CNTN4: variants seen among roughly 807,000 people sequenced by gnomAD.
CNTN4 encodes the protein contactin-4.
CNTN4 carries 77 observed loss-of-function variants against 122.5 expected under a neutral mutation model. The observed-to-expected ratio is 0.63, with a 90% CI of 0.52 to 0.76. The LOEUF (loss-of-function observed/expected upper bound fraction) is 0.76, where lower values mean the gene tolerates loss of function less well. Among genes scored for constraint, CNTN4 ranks in the 30% least tolerant of loss-of-function variants. CNTN4 has a pLI of 0.00. For missense variants in CNTN4, 1,256 were observed against 1,259.1 expected, an observed-to-expected ratio of 1.00 and a Z score of 0.04; for synonymous variants, 512 against 447.0, an observed-to-expected ratio of 1.15 and a Z score of -1.83.
chr3:2,120,405 A>ATATATATATATATATATTTT (rs1428527983), intron 2 of CNTN4, among the ~76,000 whole-genome samples: 1 of 40,882 alleles, frequency 2.4e-5, no homozygotes, highest in Non-Finnish European at 4.3e-5. Context: ...ATATATATAT[A>ATATATATATATATATATTTT]TTTTTTTTTT....
chr3:2,215,951 G>T (rs112239317), intron 2 of CNTN4, among the ~76,000 whole-genome samples: 1 of 143,460 alleles, frequency 7.0e-6, no homozygotes, highest in Non-Finnish European at 1.5e-5. Context: ...GTGTAAATTA[G>T]TTCAACCATT....
intron 2 of CNTN4, among the ~76,000 whole-genome samples, chr3:2,304,462 A>T (rs2042632783): frequency 6.6e-6 from 1 of 152,150 alleles, no homozygotes; most frequent in Admixed American, 6.5e-5. Flanking sequence ...ACTTTTAAAA[A>T]TTTTACATGA....
At chr3:2,234,829 G>C (rs555892417) in intron 2 of CNTN4, among the ~76,000 whole-genome samples, 39 of 152,160 alleles carry the variant, frequency 2.6e-4, no homozygotes, top group South Asian at 1.7e-3. Context: ...CTTTGCCAGA[G>C]GAACATGTGA....
intron 6 of CNTN4, among the ~76,000 whole-genome samples, chr3:2,796,411 A>G (rs1031897422): frequency 1.3e-5 from 2 of 152,108 alleles, no homozygotes; most frequent in African/African-American, 4.8e-5. Context: ...GCATACCCTA[A>G]TCTAAAAATA....
At chr3:2,325,082 T>C (rs2043406141) in intron 2 of CNTN4, among the ~76,000 whole-genome samples, 1 of 152,232 alleles carries the variant, frequency 6.6e-6, no homozygotes, top group African/African-American at 2.4e-5. Flanking sequence ...ATCAAAGCTA[T>C]TTTTGTAATA....
At chr3:2,212,452 G>A (rs1169050783) in intron 2 of CNTN4, among the ~76,000 whole-genome samples, 3 of 152,162 alleles carry the variant, frequency 2.0e-5, no homozygotes, top group East Asian at 3.9e-4. Flanking sequence ...AGGCAAATGA[G>A]GAGCAAAGTC....
At chr3:2,426,151 G>A (rs996163135) in intron 3 of CNTN4, among the ~76,000 whole-genome samples, 2 of 152,050 alleles carry the variant, frequency 1.3e-5, no homozygotes, top group African/African-American at 4.8e-5. Flanking sequence ...GTGCCAGTTT[G>A]CAAACGAAAT....
chr3:2,219,965 A>T (rs2038997554), intron 2 of CNTN4, among the ~76,000 whole-genome samples: 1 of 152,184 alleles, frequency 6.6e-6, no homozygotes, highest in African/African-American at 2.4e-5. Flanking sequence ...ATTACCCAAG[A>T]AAATATTGTT....
At chr3:2,836,652 G>A (rs2093231284) in intron 7 of CNTN4, among the ~76,000 whole-genome samples, 1 of 151,602 alleles carries the variant, frequency 6.6e-6, no homozygotes. Flanking sequence ...AAAAGTACAG[G>A]TAACTCAAAA....
chr3:2,368,641 A>G (rs1175864874), intron 3 of CNTN4, among the ~76,000 whole-genome samples: 1 of 151,148 alleles, frequency 6.6e-6, no homozygotes, highest in African/African-American at 2.5e-5. Flanking sequence ...ATATGAATAA[A>G]CCGTACCCTT....
At chr3:2,243,751 C>G (rs531697090) in intron 2 of CNTN4, among the ~76,000 whole-genome samples, 1 of 152,004 alleles carries the variant, frequency 6.6e-6, no homozygotes, top group African/African-American at 2.4e-5. Flanking sequence ...TTTCTACATG[C>G]ATTATCCTTG....
At chr3:2,795,173 TTAAA>T (rs2092131705) in intron 6 of CNTN4, among the ~76,000 whole-genome samples, 1 of 152,192 alleles carries the variant, frequency 6.6e-6, no homozygotes, top group African/African-American at 2.4e-5. Flanking sequence ...ATTTAAATGA[TTAAA>T]TAACCCGAAA....
At chr3:2,360,092 A>G (rs1559484838) in intron 3 of CNTN4, among the ~76,000 whole-genome samples, 1 of 152,200 alleles carries the variant, frequency 6.6e-6, no homozygotes. Flanking sequence ...TCATATGAAC[A>G]GATTATGACT....
At chr3:2,972,872 C>A (rs1270357648) in intron 13 of CNTN4, among the ~76,000 whole-genome samples, 1 of 151,116 alleles carries the variant, frequency 6.6e-6, no homozygotes, top group Middle Eastern at 3.4e-3. Flanking sequence ...TTACTATCTT[C>A]TGCTTTGCCA....
chr3:2,345,505 A>G (rs927205517), intron 3 of CNTN4, among the ~76,000 whole-genome samples: 10 of 152,166 alleles, frequency 6.6e-5, no homozygotes, highest in Non-Finnish European at 1.3e-4. Context: ...GGATTATGCT[A>G]TGTTGAATGG....
intron 3 of CNTN4, among the ~76,000 whole-genome samples, chr3:2,503,426 T>C (rs1290730997): frequency 1.3e-5 from 2 of 152,202 alleles, no homozygotes; most frequent in Non-Finnish European, 2.9e-5. Flanking sequence ...ATCGTCTTCA[T>C]CTTTATTATA....
chr3:2,258,422 A>AT (rs955226748), intron 2 of CNTN4, among the ~76,000 whole-genome samples: 54 of 151,274 alleles, frequency 3.6e-4, no homozygotes, highest in Middle Eastern at 3.4e-3. Context: ...AGATTTTCTT[A>AT]TTTTTTTTTC....
intron 4 of CNTN4, among the ~76,000 whole-genome samples, chr3:2,720,671 T>C (rs747810580): frequency 6.6e-6 from 1 of 152,178 alleles, no homozygotes; most frequent in Non-Finnish European, 1.5e-5. Flanking sequence ...AAGGGTGCAT[T>C]CTCCTTCCTA....
intron 2 of CNTN4, among the ~76,000 whole-genome samples, chr3:2,298,380 A>G (rs1483582841): frequency 1.3e-5 from 2 of 152,220 alleles, no homozygotes; most frequent in South Asian, 4.1e-4. Context: ...TTAAACACAC[A>G]CTACCTCATC....
Sources: allele counts gnomAD v4.1 joint callset (sites outside exome capture counted in the v4.1 genomes callset), GRCh38; gene constraint gnomAD v4.1.1; transcripts MANE v1.5; gene names NCBI Gene and HGNC (gene_info 2026-07-23, HGNC 2026-07-21).